Variants in SLC24A2 observed in about 807,000 individuals in gnomAD.
SLC24A2 encodes solute carrier family 24 member 2, also known as sodium/potassium/calcium exchanger 2.
Under a neutral mutation model 62.0 loss-of-function variants are expected in SLC24A2, and 36 were observed. The ratio of observed to expected loss-of-function variants is 0.58; its 90% CI spans 0.44 to 0.77. The LOEUF (loss-of-function observed/expected upper bound fraction) is 0.77, where lower values mean the gene tolerates loss of function less well. SLC24A2 is among the 30% of genes least tolerant of loss of function. SLC24A2 has a pLI of 0.00. For missense variants in SLC24A2, 846 were observed against 817.9 expected, an observed-to-expected ratio of 1.03 and a Z score of -0.42; for synonymous variants, 358 against 294.0, an observed-to-expected ratio of 1.22 and a Z score of -2.23.
the SLC24A2 span, among the ~76,000 whole-genome samples, chr9:20,204,901 A>C: frequency 6.6e-6 from 1 of 151,414 alleles, no homozygotes; most frequent in Non-Finnish European, 1.5e-5. Context: ...GCACCACCAC[A>C]CTCGGCTAAT....
At chr9:19,715,717 A>C (rs545710881) in intron 2 of SLC24A2, among the ~76,000 whole-genome samples, 93 of 152,350 alleles carry the variant, frequency 6.1e-4, no homozygotes, top group Non-Finnish European at 1.0e-3. Context: ...TTATAAATGC[A>C]TTCTCTTGAA....
intron 2 of SLC24A2, among the ~76,000 whole-genome samples, chr9:19,785,487 A>G (rs1489912380): frequency 1.3e-5 from 2 of 152,238 alleles, no homozygotes; most frequent in Non-Finnish European, 2.9e-5. Context: ...CTACGGTGAC[A>G]CAAACTTTCT....
the SLC24A2 span, among the ~76,000 whole-genome samples, chr9:19,842,930 G>C: frequency 6.6e-6 from 1 of 151,934 alleles, no homozygotes; most frequent in African/African-American, 2.4e-5. Flanking sequence ...CCTAATGTTG[G>C]ATTATCACTT....
At chr9:20,143,380 A>G in the SLC24A2 span, among the ~76,000 whole-genome samples, 2 of 152,206 alleles carry the variant, frequency 1.3e-5, no homozygotes, top group Non-Finnish European at 2.9e-5. Flanking sequence ...ATATGCTCAA[A>G]TTGCCTCAGC....
the SLC24A2 span, among the ~76,000 whole-genome samples, chr9:19,905,924 A>C: frequency 1.3e-5 from 2 of 152,226 alleles, no homozygotes; most frequent in Admixed American, 1.3e-4. Flanking sequence ...TCAACGAGAC[A>C]GAAAGTTAAC....
intron 2 of SLC24A2, among the ~76,000 whole-genome samples, chr9:19,765,065 T>C: frequency 6.6e-6 from 1 of 152,238 alleles, no homozygotes; most frequent in Non-Finnish European, 1.5e-5. Flanking sequence ...TCTTTGTCTT[T>C]TCTGATATTT....
the SLC24A2 span, among the ~76,000 whole-genome samples, chr9:19,901,532 G>C: frequency 1.3e-5 from 2 of 152,130 alleles, no homozygotes; most frequent in Non-Finnish European, 2.9e-5. Flanking sequence ...AAATGGGTTT[G>C]GCTAATTATA....
chr9:19,929,505 C>T, the SLC24A2 span: 2 of 152,286 alleles, frequency 1.3e-5, no homozygotes, highest in Admixed American at 6.5e-5. Context: ...TTATAGCCAT[C>T]AGCATGTGGT....
chr9:20,280,116 GA>G, the SLC24A2 span, among the ~76,000 whole-genome samples: 1 of 152,328 alleles, frequency 6.6e-6, no homozygotes, highest in South Asian at 2.1e-4. Context: ...CTGAGATGGG[GA>G]TTCTTGAAAA....
the SLC24A2 span, among the ~76,000 whole-genome samples, chr9:20,049,638 A>G: frequency 7.4e-4 from 113 of 152,386 alleles, no homozygotes; most frequent in Non-Finnish European, 1.3e-3. Context: ...GGTAACAAAG[A>G]TGACAAATAT....
At position 19,632,219 on chromosome 9, in the gene SLC24A2, C is replaced by T. The variant is rs1818197702; in HGVS notation, c.931-9920G>A. On this transcript the variant is annotated intron_variant, in intron 2 of 10. Transcript: ENST00000341998. This position sits in a 1 kb window ranked among gnomAD's most constrained non-coding sequence, Gnocchi z 4.5. ...AGCTCACTCCCTGCACCCCATCTGC[C>T]ATCCTTTGCTGTCATAGGGAGTCCA... 6.6e-6 allele frequency among the ~76,000 whole-genome samples: 1 copy of T among 152,184 alleles called. No individual in the cohort carries two copies. The highest frequency in any genetic ancestry group is 1.5e-5 in the Non-Finnish European group (1 of 68,034).
the SLC24A2 span, among the ~76,000 whole-genome samples, chr9:20,105,246 A>T: frequency 6.6e-6 from 1 of 152,278 alleles, no homozygotes; most frequent in African/African-American, 2.4e-5. Context: ...CACAATAATA[A>T]TGGGAGACTT....
At chr9:19,571,497 G>C (rs1049570754) in intron 7 of SLC24A2, among the ~76,000 whole-genome samples, 4 of 152,058 alleles carry the variant, frequency 2.6e-5, no homozygotes, top group Admixed American at 2.0e-4. Context: ...ATTGGGGGAA[G>C]TTCTGTCTAG....
chr9:19,752,374 G>A (rs1420377476), intron 2 of SLC24A2, among the ~76,000 whole-genome samples: 3 of 152,054 alleles, frequency 2.0e-5, no homozygotes, highest in Non-Finnish European at 4.4e-5. Flanking sequence ...CGAACACCAA[G>A]GGGTTATGGC....
At chr9:19,679,144 T>C (rs1382622607) in intron 2 of SLC24A2, among the ~76,000 whole-genome samples, 2 of 152,174 alleles carry the variant, frequency 1.3e-5, no homozygotes, top group Non-Finnish European at 2.9e-5. Flanking sequence ...TGCATTATTA[T>C]AGGCCAGCTT....
intron 2 of SLC24A2, among the ~76,000 whole-genome samples, chr9:19,687,665 C>G (rs151244205): frequency 2.6e-5 from 4 of 152,200 alleles, no homozygotes; most frequent in Admixed American, 6.6e-5. Flanking sequence ...TACCTTTACA[C>G]TTGACTTTGG....
intron 2 of SLC24A2, among the ~76,000 whole-genome samples, chr9:19,702,613 G>C (rs960726405): frequency 6.6e-6 from 1 of 152,148 alleles, no homozygotes; most frequent in East Asian, 1.9e-4. Flanking sequence ...AATAACAACT[G>C]ATGTCTGCGT....
Position 19,534,620 on chromosome 9 carries a change from G to T in SLC24A2, c.1480-6482C>A, listed in dbSNP as rs370503223. ...AAAAAAATGCGGTGTTTAGTTTTCTGTTCTTGTGTTAGTTTGCTGACAATG... is the reference window on the plus strand; with the variant it reads ...AAAAAAATGCGGTGTTTAGTTTTCTTTTCTTGTGTTAGTTTGCTGACAATG... On this transcript the variant is annotated intron_variant, in intron 8 of 10. Transcript: ENST00000341998. 1.2e-3 allele frequency among the ~76,000 whole-genome samples: 182 copies of T among 151,850 alleles called. 5 individuals carry two copies. The South Asian group carries it at 0.037, about 31-fold the overall frequency.
At chr9:19,951,650 C>A in the SLC24A2 span, among the ~76,000 whole-genome samples, 1 of 151,776 alleles carries the variant, frequency 6.6e-6, no homozygotes, top group Admixed American at 6.6e-5. Flanking sequence ...GTTAATTGGC[C>A]ATAAAAAGAT....
Sources: allele counts gnomAD v4.1 joint callset (sites outside exome capture counted in the v4.1 genomes callset), GRCh38; gene constraint gnomAD v4.1.1; non-coding constraint Gnocchi (gnomAD v3.1); transcripts MANE v1.5; gene names NCBI Gene and HGNC (gene_info 2026-07-23, HGNC 2026-07-21).